Variants in PARD3B observed in about 807,000 individuals in gnomAD.
PARD3B encodes par-3 family cell polarity regulator beta, also known as partitioning defective 3 homolog B.
PARD3B carries 103 observed loss-of-function variants against 130.2 expected under a neutral mutation model. That is an observed-to-expected ratio of 0.79 (90% CI 0.67 to 0.93). PARD3B has a LOEUF of 0.93. PARD3B is among the 40% of genes least tolerant of loss of function. PARD3B has a pLI of 0.00. For synonymous variants in PARD3B, 583 were observed against 553.2 expected, an observed-to-expected ratio of 1.05 and a Z score of -0.76; for missense variants, 1,609 against 1,499.2, an observed-to-expected ratio of 1.07 and a Z score of -1.21.
intron 10 of PARD3B, among the ~76,000 whole-genome samples, chr2:205,126,359 C>G (rs73057200): frequency 0.031 from 4,691 of 152,116 alleles, 233 homozygotes; most frequent in African/African-American, 0.11. Flanking sequence ...TTTTTCCCCT[C>G]AAGTTCTATC....
intron 2 of PARD3B, among the ~76,000 whole-genome samples, chr2:204,836,776 A>T (rs2044051854): frequency 6.6e-6 from 1 of 152,222 alleles, no homozygotes; most frequent in African/African-American, 2.4e-5. Flanking sequence ...ATTTGCTTGT[A>T]TGAAGACATG....
intron 16 of PARD3B, among the ~76,000 whole-genome samples, chr2:205,282,297 C>G (rs908183445): frequency 6.6e-6 from 1 of 151,878 alleles, no homozygotes; most frequent in African/African-American, 2.4e-5. Context: ...TTCCTGGTCT[C>G]TTTCTTTTCA....
chr2:205,171,886 C>G (rs921897998), intron 11 of PARD3B, among the ~76,000 whole-genome samples: 2 of 152,206 alleles, frequency 1.3e-5, no homozygotes, highest in African/African-American at 4.8e-5. Context: ...AACATGGTCT[C>G]CGCCAGAGCA....
chr2:205,455,237 C>T (rs886628316), intron 20 of PARD3B, among the ~76,000 whole-genome samples: 1 of 152,050 alleles, frequency 6.6e-6, no homozygotes, highest in Non-Finnish European at 1.5e-5. Flanking sequence ...GTACCTACAT[C>T]AGAGTGTTAT....
chr2:205,307,029 C>A (rs551789651), intron 18 of PARD3B, among the ~76,000 whole-genome samples: 80 of 152,310 alleles, frequency 5.3e-4, no homozygotes, highest in African/African-American at 1.9e-3. Flanking sequence ...ATGGGTCATG[C>A]AGTTATACCA....
At chr2:205,077,281 G>A (rs1012115497) in intron 4 of PARD3B, among the ~76,000 whole-genome samples, 7 of 152,140 alleles carry the variant, frequency 4.6e-5, no homozygotes, top group Admixed American at 3.9e-4. Context: ...ACAAATTACA[G>A]AACTTTGCTT....
At chr2:204,925,581 A>G (rs941716815) in intron 2 of PARD3B, among the ~76,000 whole-genome samples, 4 of 152,128 alleles carry the variant, frequency 2.6e-5, no homozygotes. Flanking sequence ...CAAGATGAGG[A>G]AACGAGTCAA....
intron 4 of PARD3B, among the ~76,000 whole-genome samples, chr2:205,089,854 T>G (rs1422228436): frequency 1.3e-5 from 2 of 152,230 alleles, no homozygotes; most frequent in Non-Finnish European, 2.9e-5. Context: ...TTTGCTCCTT[T>G]CTCAGAGGAA....
chr2:204,681,523 C>T (rs532795195), intron 1 of PARD3B, among the ~76,000 whole-genome samples: 2 of 152,150 alleles, frequency 1.3e-5, no homozygotes, highest in South Asian at 2.1e-4. Context: ...AAGGTGAAGG[C>T]GTGTTCTGAA....
At chr2:204,667,782 A>G (rs1027675305) in intron 1 of PARD3B, among the ~76,000 whole-genome samples, 1 of 152,162 alleles carries the variant, frequency 6.6e-6, no homozygotes, top group Non-Finnish European at 1.5e-5. Flanking sequence ...TATTCCCACT[A>G]TGCCTTATGC....
intron 16 of PARD3B, among the ~76,000 whole-genome samples, chr2:205,299,708 G>A (rs903996753): frequency 7.2e-5 from 11 of 152,104 alleles, no homozygotes; most frequent in East Asian, 1.9e-4. Flanking sequence ...AAGGCAAACC[G>A]CACAAATGAA....
chr2:205,041,843 A>G (rs769145420), intron 3 of PARD3B, among the ~76,000 whole-genome samples: 2 of 152,146 alleles, frequency 1.3e-5, no homozygotes, highest in African/African-American at 2.4e-5. Context: ...TGCCTGCATC[A>G]TCATATGTTA....
At chr2:204,866,906 T>G (rs1222160778) in intron 2 of PARD3B, among the ~76,000 whole-genome samples, 1 of 151,864 alleles carries the variant, frequency 6.6e-6, no homozygotes, top group East Asian at 1.9e-4. Context: ...CCGTCTCTAC[T>G]AAAAATACAA....
At chr2:205,583,467 T>A (rs533039682) in intron 22 of PARD3B, among the ~76,000 whole-genome samples, 1 of 152,004 alleles carries the variant, frequency 6.6e-6, no homozygotes, top group Non-Finnish European at 1.5e-5. Flanking sequence ...GCCTTGAGAA[T>A]AGACATCATG....
At chr2:204,747,190 C>T (rs185114309) in intron 2 of PARD3B, among the ~76,000 whole-genome samples, 1 of 152,186 alleles carries the variant, frequency 6.6e-6, no homozygotes, top group African/African-American at 2.4e-5. Flanking sequence ...TCAGCTTTCT[C>T]CACATGGCTG....
At chr2:205,567,296 C>T (rs1451011941) in intron 22 of PARD3B, among the ~76,000 whole-genome samples, 2 of 139,118 alleles carry the variant, frequency 1.4e-5, no homozygotes, top group Admixed American at 7.7e-5. Flanking sequence ...GAATATAGAA[C>T]ATTCCTTGTT....
chr2:205,051,884 A>G (rs527597960), intron 4 of PARD3B, among the ~76,000 whole-genome samples: 151 of 152,332 alleles, frequency 9.9e-4, no homozygotes, highest in Admixed American at 3.7e-3. Flanking sequence ...TTTGGTCAAC[A>G]TACCTAATTA....
At chr2:204,682,300 G>T (rs1458482769) in intron 1 of PARD3B, among the ~76,000 whole-genome samples, 1 of 151,974 alleles carries the variant, frequency 6.6e-6, no homozygotes, top group Non-Finnish European at 1.5e-5. Flanking sequence ...TCCCACCTTG[G>T]CTTTGCTGCT....
At chr2:204,642,862 C>T (rs2035126730) in intron 1 of PARD3B, among the ~76,000 whole-genome samples, 2 of 151,044 alleles carry the variant, frequency 1.3e-5, no homozygotes, top group Admixed American at 1.3e-4. Context: ...ACCTGTAATC[C>T]CAGCACTTTG....
Sources: allele counts gnomAD v4.1 joint callset (sites outside exome capture counted in the v4.1 genomes callset), GRCh38; gene constraint gnomAD v4.1.1; transcripts MANE v1.5; gene names NCBI Gene and HGNC (gene_info 2026-07-23, HGNC 2026-07-21).